UTRN: variants seen among roughly 807,000 people sequenced by gnomAD.
UTRN encodes dystrophin-related protein 1.
A neutral mutation model predicts 463.9 loss-of-function variants in UTRN; 283 were observed. That is an observed-to-expected ratio of 0.61 (90% CI 0.55 to 0.67). The LOEUF (loss-of-function observed/expected upper bound fraction) is 0.67. Ranked by LOEUF, UTRN falls within the 30% of genes least tolerant of loss-of-function variation. The pLI, the probability that UTRN is intolerant of heterozygous loss-of-function variation, is 0.00. For missense variants in UTRN, 3,922 were observed against 4,084.3 expected, an observed-to-expected ratio of 0.96 and a Z score of 1.08; for synonymous variants, 1,442 against 1,431.5, an observed-to-expected ratio of 1.01 and a Z score of -0.17.
rs756538874 is a variant in UTRN at position 144,440,432 on chromosome 6, T to TG, written c.1475dup (p.Glu493Ter). The TG allele has an allele frequency of 6.2e-7, 1 of 1,614,126 alleles. No individual in the cohort carries two copies. Among genetic ancestry groups the TG allele is most frequent in the Non-Finnish European group, 8.5e-7 (1 of 1,180,012 alleles). On this transcript the variant is annotated frameshift_variant, in exon 13 of 75. Coordinates refer to ENST00000367545, the MANE Select transcript of UTRN (RefSeq NM_007124.3). LOFTEE classifies it high-confidence loss of function. Reference sequence around the variant, plus strand: ...TGGTGGTCATTGTTGATGAAAACAGTGGTGAGAGTGCTACAGCTATCCTAG... The same window carrying TG: ...TGGTGGTCATTGTTGATGAAAACAGTGGGTGAGAGTGCTACAGCTATCCTAG...
At chr6:144,727,588 C>T (rs1346735208) in intron 53 of UTRN, among the ~76,000 whole-genome samples, 1 of 151,956 alleles carries the variant, frequency 6.6e-6, no homozygotes, top group East Asian at 1.9e-4. Context: ...GAAATGCCAT[C>T]TCTACTAAAA....
intron 13 of UTRN, among the ~76,000 whole-genome samples, chr6:144,442,806 C>A (rs1787307054): frequency 6.6e-6 from 1 of 152,194 alleles, no homozygotes; most frequent in South Asian, 2.1e-4. Flanking sequence ...GAGACACAGG[C>A]AAACCATATC....
At chr6:144,799,785 C>T (rs1218045867) in intron 64 of UTRN, among the ~76,000 whole-genome samples, 1 of 152,218 alleles carries the variant, frequency 6.6e-6, no homozygotes, top group Admixed American at 6.5e-5. Context: ...GATTAGTCAA[C>T]TTGCCCAAGG....
At chr6:144,556,222 G>A (rs886880642) in intron 49 of UTRN, among the ~76,000 whole-genome samples, 3 of 152,134 alleles carry the variant, frequency 2.0e-5, no homozygotes, top group South Asian at 2.1e-4. Context: ...GAAAACAATC[G>A]AAAATGTGGA....
Position 144,836,282 on chromosome 6 carries a change from CT to C in UTRN, c.9825-18del. 1.2e-6 allele frequency: 2 copies of C among 1,613,770 alleles called. No homozygotes were observed. Among genetic ancestry groups the C allele is most frequent in the South Asian group, 2.2e-5 (2 of 91,054 alleles). ...AATGCACGTGGTAGTCATTCTGTTT[CT>C]CCCTCTTTCTGTATTAGAAATCTAC... On this transcript the variant is annotated intron_variant, in intron 70 of 74. Coordinates refer to ENST00000367545, the MANE Select transcript of UTRN (RefSeq NM_007124.3).
intron 51 of UTRN, among the ~76,000 whole-genome samples, chr6:144,660,834 A>G (rs1189792333): frequency 1.3e-5 from 2 of 152,212 alleles, no homozygotes; most frequent in Non-Finnish European, 2.9e-5. Context: ...GAGTGCTTGC[A>G]TGCACTGTGA....
In UTRN at chr6:144,744,286, A is replaced by G. The variant is rs954830877; in HGVS notation, c.7940-3960A>G. 4.2e-5 allele frequency among the ~76,000 whole-genome samples: 6 copies of G among 143,174 alleles called. No homozygotes were observed. In the South Asian group the frequency reaches 1.1e-3, roughly 26 times the overall value. The allele number at this position is 143,174 out of a possible 152,430, so 93.9% of individuals were successfully genotyped here. On this transcript the variant is annotated intron_variant, in intron 54 of 74. Transcript: ENST00000367545. ...GGGGCAACAGAGCAAGACCCTGACT[A>G]AAAAAAAAATGGTGTATACATATAT...
intron 65 of UTRN, among the ~76,000 whole-genome samples, chr6:144,812,520 A>G (rs1262483637): frequency 1.3e-5 from 2 of 152,214 alleles, no homozygotes; most frequent in Non-Finnish European, 2.9e-5. Context: ...ACAGTTTGCA[A>G]TATGAACAGG....
chr6:144,293,646 T>C (rs1354640738), intron 2 of UTRN, among the ~76,000 whole-genome samples: 2 of 152,154 alleles, frequency 1.3e-5, no homozygotes, highest in Non-Finnish European at 2.9e-5. Flanking sequence ...ATATTAGGAA[T>C]TGGTTAGATC....
rs375875399 is a variant in UTRN, at chr6:144,395,596, GAAGT to G, written c.80-7524_80-7521del. Among the ~76,000 whole-genome samples, 450 of 152,214 alleles carry G rather than the reference GAAGT, an allele frequency of 3.0e-3. 2 individuals carry two copies. The highest frequency in any genetic ancestry group is 0.011 in the African/African-American group (438 of 41,560). On this transcript the variant is annotated intron_variant, in intron 2 of 74. Transcript: ENST00000367545. ...GTTTGTTGAAAAGAAAACAGGTTAA[GAAGT>G]AAATAAACTAAAATTAGAAGATGGA...
chr6:144,382,245 T>C (rs574529046), intron 2 of UTRN, among the ~76,000 whole-genome samples: 22 of 152,384 alleles, frequency 1.4e-4, no homozygotes, highest in African/African-American at 5.0e-4. Context: ...GTGAAGGCAG[T>C]TGTGCAGGCA....
chr6:144,462,179 G>C (rs946844701), intron 22 of UTRN, among the ~76,000 whole-genome samples: 2 of 152,020 alleles, frequency 1.3e-5, no homozygotes, highest in East Asian at 3.9e-4. Context: ...TGTTGTTTCT[G>C]AATTAGTTTG....
intron 51 of UTRN, among the ~76,000 whole-genome samples, chr6:144,651,881 T>C (rs1421769822): frequency 1.3e-5 from 2 of 152,118 alleles, no homozygotes; most frequent in Non-Finnish European, 1.5e-5. Flanking sequence ...ATAAGTTCTT[T>C]AGTGGGGATT....
chr6:144,710,256 A>G (rs916217275), intron 53 of UTRN, among the ~76,000 whole-genome samples: 1 of 152,252 alleles, frequency 6.6e-6, no homozygotes, highest in Non-Finnish European at 1.5e-5. Flanking sequence ...ACAGAAAACC[A>G]AACATGGCAT....
At position 144,516,258 on chromosome 6, in the gene UTRN, A is replaced by ATG; in HGVS notation, c.5276_5277dup (p.Leu1760ValfsTer20). On this transcript the variant is annotated frameshift_variant, in exon 38 of 75. Coordinates refer to ENST00000367545, the MANE Select transcript of UTRN (RefSeq NM_007124.3). LOFTEE classifies it high-confidence loss of function. ...TAATTGCTCAGGAACCATTATACCA[A>ATG]TGTTTGGTCACCACTGAAACATTTG... 1 of 1,613,712 alleles carries ATG rather than the reference A, an allele frequency of 6.2e-7. No individual in the cohort carries two copies. Among genetic ancestry groups the ATG allele is most frequent in the East Asian group, 2.2e-5 (1 of 44,832 alleles).
rs144476038 is a variant in UTRN, at chr6:144,285,816, C to T, written c.-98C>T. 1,249 of 152,680 alleles carry T rather than the reference C, an allele frequency of 8.2e-3. 7 individuals carry two copies. Among genetic ancestry groups the T allele is most frequent in the Non-Finnish European group, 0.013 (872 of 68,418 alleles). 9.5% of individuals were successfully genotyped at this position (152,680 alleles called of 1,614,324 possible). On this transcript the variant is annotated 5_prime_UTR_variant, in exon 1 of 75. Transcript: ENST00000367545. ...ACCGGCAGGCGAGGAGGCCCGCGGG[C>T]AGCAGGTAAGCCCATGCATTATTGA...
chr6:144,388,865 G>C (rs566157622), intron 2 of UTRN, among the ~76,000 whole-genome samples: 1 of 152,310 alleles, frequency 6.6e-6, no homozygotes, highest in African/African-American at 2.4e-5. Flanking sequence ...TGGACACTGG[G>C]AAAGCTAGAT....
At chr6:144,390,325 C>T (rs918642851) in intron 2 of UTRN, among the ~76,000 whole-genome samples, 2 of 152,158 alleles carry the variant, frequency 1.3e-5, no homozygotes, top group African/African-American at 4.8e-5. Flanking sequence ...CTTTCAGGCT[C>T]GCTGATGTCT....
At chr6:144,410,674 G>A (rs1365648376) in intron 3 of UTRN, among the ~76,000 whole-genome samples, 3 of 151,434 alleles carry the variant, frequency 2.0e-5, no homozygotes, top group Non-Finnish European at 2.9e-5. Context: ...AACATATGAT[G>A]TTTGGTTGCC....
Sources: allele counts gnomAD v4.1 joint callset (sites outside exome capture counted in the v4.1 genomes callset), GRCh38; gene constraint gnomAD v4.1.1; transcripts MANE v1.5; gene names NCBI Gene and HGNC (gene_info 2026-07-23, HGNC 2026-07-21).